Variants in SLC24A3 observed in about 807,000 individuals in gnomAD.
The protein encoded by SLC24A3 is solute carrier family 24 member 3.
A neutral mutation model predicts 75.8 loss-of-function variants in SLC24A3; 28 were observed. The observed-to-expected ratio is 0.37, with a 90% CI of 0.27 to 0.51. The LOEUF (loss-of-function observed/expected upper bound fraction) is 0.51, where lower values mean the gene tolerates loss of function less well. Ranked by LOEUF, SLC24A3 falls within the 20% of genes least tolerant of loss-of-function variation. SLC24A3 has a pLI of 0.94. For synonymous variants in SLC24A3, 372 were observed against 334.1 expected, an observed-to-expected ratio of 1.11 and a Z score of -1.24; for missense variants, 663 against 847.8, an observed-to-expected ratio of 0.78 and a Z score of 2.71.
At position 19,295,172 on chromosome 20, in the gene SLC24A3, A is replaced by C. The variant is rs369738548; in HGVS notation, c.271+14085A>C. 1.4e-3 allele frequency among the ~76,000 whole-genome samples: 206 copies of C among 152,056 alleles called. 3 individuals are homozygous for C. In the South Asian group the frequency reaches 0.015, roughly 11 times the overall value. On this transcript the variant is annotated intron_variant, in intron 2 of 16. Coordinates refer to ENST00000328041, the MANE Select transcript of SLC24A3 (RefSeq NM_020689.4). ...GGGTTGTTTGTTTTTCTTCTTGTAA[A>C]ATTTTTTAAGTTCCTTGTAGAATCT...
chr20:19,614,554 T>C (rs927176712), intron 6 of SLC24A3, among the ~76,000 whole-genome samples: 12 of 152,204 alleles, frequency 7.9e-5, no homozygotes, highest in Non-Finnish European at 1.2e-4. Flanking sequence ...ATTCCACCGT[T>C]CTTGCCCACT....
At chr20:19,251,699 C>T (rs1292678928) in intron 1 of SLC24A3, among the ~76,000 whole-genome samples, 2 of 152,148 alleles carry the variant, frequency 1.3e-5, no homozygotes, top group African/African-American at 2.4e-5. Context: ...GCTCACATCC[C>T]TCCACTCTCC....
At chr20:19,672,588 C>T (rs1028350087) in intron 8 of SLC24A3, among the ~76,000 whole-genome samples, 1 of 152,088 alleles carries the variant, frequency 6.6e-6, no homozygotes, top group Non-Finnish European at 1.5e-5. Context: ...CCTTTCCTCT[C>T]GGCCTCCCAA....
intron 6 of SLC24A3, among the ~76,000 whole-genome samples, chr20:19,651,710 A>C (rs2032206476): frequency 6.6e-6 from 1 of 151,714 alleles, no homozygotes; most frequent in South Asian, 2.1e-4. Flanking sequence ...AATACAAAAA[A>C]ATTTGCCAGG....
At chr20:19,597,060 A>C (rs998973796) in intron 6 of SLC24A3, among the ~76,000 whole-genome samples, 1 of 152,208 alleles carries the variant, frequency 6.6e-6, no homozygotes, top group African/African-American at 2.4e-5. Flanking sequence ...AGAAGGACTC[A>C]GTTTGCAATT....
At chr20:19,333,272 G>T (rs544859355) in intron 2 of SLC24A3, among the ~76,000 whole-genome samples, 3 of 152,308 alleles carry the variant, frequency 2.0e-5, no homozygotes, top group South Asian at 2.1e-4. Context: ...CATTCAGTTG[G>T]TTATGAAGAG....
At chr20:19,689,961 GC>G (rs2032726276) in intron 12 of SLC24A3, among the ~76,000 whole-genome samples, 1 of 143,112 alleles carries the variant, frequency 7.0e-6, no homozygotes, top group Non-Finnish European at 1.5e-5. Flanking sequence ...AACCTGGGAG[GC>G]AAAGGTTGCA....
At chr20:19,365,762 GC>G (rs1985878964) in intron 2 of SLC24A3, among the ~76,000 whole-genome samples, 1 of 152,166 alleles carries the variant, frequency 6.6e-6, no homozygotes, top group African/African-American at 2.4e-5. Flanking sequence ...ACTGCCCCCA[GC>G]CCATCTCTGA....
At chr20:19,541,269 C>T (rs180731893) in intron 3 of SLC24A3, among the ~76,000 whole-genome samples, 68 of 152,296 alleles carry the variant, frequency 4.5e-4, no homozygotes, top group African/African-American at 1.4e-3. Context: ...GCGGCTGCAG[C>T]GGGGAGACGT....
chr20:19,299,726 GCA>G (rs1984152581), intron 2 of SLC24A3, among the ~76,000 whole-genome samples: 1 of 152,214 alleles, frequency 6.6e-6, no homozygotes, highest in Non-Finnish European at 1.5e-5. Flanking sequence ...CAGCACAGAA[GCA>G]CAGTCTGTTC....
At chr20:19,358,989 C>T (rs528637651) in intron 2 of SLC24A3, among the ~76,000 whole-genome samples, 2 of 152,322 alleles carry the variant, frequency 1.3e-5, no homozygotes, top group African/African-American at 4.8e-5. Context: ...CCACTGTGTG[C>T]ATATATCACA....
intron 2 of SLC24A3, among the ~76,000 whole-genome samples, chr20:19,312,343 G>A (rs1984477281): frequency 6.6e-6 from 1 of 152,132 alleles, no homozygotes; most frequent in Non-Finnish European, 1.5e-5. Flanking sequence ...CTAGGAATTT[G>A]GAAGTTAGAA....
rs117146199 is a variant in SLC24A3 at position 19,721,779 on chromosome 20, G to A, written c.*639G>A. The A allele has an allele frequency of 6.4e-3, 977 of 152,912 alleles. 9 individuals carry two copies. The highest frequency in any genetic ancestry group is 7.2e-3 in the Non-Finnish European group (492 of 68,262). The allele number at this position is 152,912 out of a possible 1,614,324, so 9.5% of individuals were successfully genotyped here. On this transcript the variant is annotated 3_prime_UTR_variant, in exon 17 of 17. Coordinates refer to ENST00000328041, the MANE Select transcript of SLC24A3 (RefSeq NM_020689.4). ...CTGGGCTTGCATCCCAGATGTGTTG[G>A]AGTATGCATGGATGTAGTGCTTTTT...
At chr20:19,392,957 A>G (rs192897393) in intron 2 of SLC24A3, among the ~76,000 whole-genome samples, 2 of 152,272 alleles carry the variant, frequency 1.3e-5, no homozygotes, top group South Asian at 2.1e-4. Flanking sequence ...GTCCATCTTT[A>G]TGGCCAGAAC....
chr20:19,358,690 T>C (rs558778149), intron 2 of SLC24A3, among the ~76,000 whole-genome samples: 11 of 152,368 alleles, frequency 7.2e-5, no homozygotes, highest in African/African-American at 2.4e-4. Flanking sequence ...TAGTAGTATT[T>C]AGTACATTCA....
At chr20:19,399,390 C>T (rs1013728578) in intron 2 of SLC24A3, among the ~76,000 whole-genome samples, 2 of 152,044 alleles carry the variant, frequency 1.3e-5, no homozygotes, top group Non-Finnish European at 2.9e-5. Flanking sequence ...TAGATAAGTT[C>T]TATATATTTC....
intron 2 of SLC24A3, among the ~76,000 whole-genome samples, chr20:19,403,823 T>A (rs1403003129): frequency 2.0e-5 from 3 of 152,198 alleles, no homozygotes; most frequent in African/African-American, 7.2e-5. Flanking sequence ...CAATTTGAAA[T>A]ATCATCAGGT....
chr20:19,471,662 TG>T (rs34636363), intron 2 of SLC24A3, among the ~76,000 whole-genome samples: 68,030 of 151,948 alleles, frequency 0.45, 17,014 homozygotes, highest in Non-Finnish European at 0.56. Context: ...TGGTTCAGGA[TG>T]GCTTAGCCCA....
chr20:19,424,918 G>C (rs551534353), intron 2 of SLC24A3, among the ~76,000 whole-genome samples: 3 of 152,132 alleles, frequency 2.0e-5, no homozygotes, highest in African/African-American at 7.2e-5. Context: ...ATCCCACAAA[G>C]GAACTTTATA....
Sources: gnomAD v4.1 joint callset for allele counts (sites outside exome capture counted in the v4.1 genomes callset) on GRCh38, gnomAD v4.1.1 for gene constraint, MANE v1.5 for transcripts, NCBI Gene and HGNC (gene_info 2026-07-23, HGNC 2026-07-21) for gene names.